Variants in CTNNB1 observed in about 807,000 individuals in gnomAD.
CTNNB1 encodes catenin beta 1.
CTNNB1 carries 6 observed loss-of-function variants against 82.5 expected under a neutral mutation model. The ratio of observed to expected loss-of-function variants is 0.07; its 90% CI spans 0.04 to 0.14. CTNNB1 has a LOEUF of 0.14. Among genes scored for constraint, CTNNB1 ranks in the 10% least tolerant of loss-of-function variants. The probability of loss-of-function intolerance (pLI) is 1.00; values close to 1 mark genes in which losing one functional copy is unlikely to be tolerated. For missense variants in CTNNB1, 529 were observed against 980.4 expected (o/e 0.54, Z 6.15); for synonymous variants, 312 against 329.7 (o/e 0.95, Z 0.58).
rs148654224 is a variant in CTNNB1, at chr3:41,239,195, C to T, written c.2199C>T (p.Pro733=). ...GCCAGGATGCCTTGGGTATGGACCC[C>T]ATGATGGAACATGAGATGGGTGGCC... ...GYGQDALGMD[P]MMEHEMGGHH... The change falls in exon 15 of 15, where the codon CCC becomes CCT. Residue 733 remains proline, a synonymous_variant. Transcript: ENST00000349496. 3 of 1,614,060 alleles carry T rather than the reference C, an allele frequency of 1.9e-6. No homozygotes were observed. The highest frequency in any genetic ancestry group is 2.5e-6 in the Non-Finnish European group (3 of 1,180,030).
intron 1 of CTNNB1, among the ~76,000 whole-genome samples, chr3:41,219,935 C>T (rs1379095804): frequency 1.3e-5 from 2 of 152,050 alleles, no homozygotes; most frequent in Non-Finnish European, 2.9e-5. Flanking sequence ...CGATACAATC[C>T]AGATGATAAT....
chr3:41,234,420 AG>A, intron 10 of CTNNB1, 123 bp downstream of exon 10: 1 of 925,010 alleles, frequency 1.1e-6, no homozygotes, highest in Non-Finnish European at 1.7e-6. Context: ...CTAATGACAA[AG>A]TAAATAAATA....
intron 9 of CTNNB1, 105 bp downstream of exon 9, chr3:41,233,972 A>T: frequency 7.0e-7 from 1 of 1,434,208 alleles, no homozygotes; most frequent in East Asian, 2.3e-5. Flanking sequence ...TAGGAATTGT[A>T]TTCCTTAGTA....
chr3:41,221,085 T>C (rs1257752279), intron 1 of CTNNB1: 1 of 152,216 alleles, frequency 6.6e-6, no homozygotes, highest in Admixed American at 6.5e-5. Context: ...GGAAAATACA[T>C]GAGAAGTTGG....
intron 9 of CTNNB1, 24 bp downstream of exon 9, chr3:41,233,891 C>A (rs890398792): frequency 1.9e-6 from 3 of 1,609,764 alleles, no homozygotes; most frequent in Non-Finnish European, 2.6e-6. Context: ...GTAGAATTTA[C>A]CTTTGTTGCA....
At chr3:41,223,890 C>G in intron 1 of CTNNB1, 131 bp from the exon 2 acceptor site, 2 of 659,552 alleles carry the variant, frequency 3.0e-6, no homozygotes, top group Middle Eastern at 8.4e-4. Flanking sequence ...CTGCGTTTCA[C>G]TAACCTGGTA....
chr3:41,225,410 C>T lies in CTNNB1; in HGVS notation c.572C>T (p.Ser191Phe). The T allele has an allele frequency of 6.2e-7, 1 of 1,613,924 alleles. No homozygotes were observed. Among genetic ancestry groups the T allele is most frequent in the Non-Finnish European group, 8.5e-7 (1 of 1,179,968 alleles). ...GCTTCCAGACACGCTATCATGCGTT[C>T]TCCTCAGATGGTGTCTGCTATTGTA... is the stretch of plus-strand genomic sequence containing the variant. ...KEASRHAIMR[S>F]PQMVSAIVRT... Residue 191 changes from serine (S) to phenylalanine (F), a missense_variant, in exon 5 of 15, where the codon TCT becomes TTT. Ser to Phe is a radical substitution (Grantham distance 155). Transcript: ENST00000349496. This position sits in a 1 kb window ranked among gnomAD's most constrained non-coding sequence, Gnocchi z 5.3.
rs1158793565 is a variant in CTNNB1 at position 41,239,614 on chromosome 3, AT to A, written c.*275del. ...GCAACTTAATACTCAAATGAGTAACATTTGCTGTTTTAAACATTAATAGCAG... is the reference window on the plus strand; with the variant it reads ...GCAACTTAATACTCAAATGAGTAACATTGCTGTTTTAAACATTAATAGCAG... On this transcript the variant is annotated 3_prime_UTR_variant, in exon 15 of 15. Coordinates refer to ENST00000349496, the MANE Select transcript of CTNNB1 (RefSeq NM_001904.4). 20 of 511,844 alleles carry A rather than the reference AT, an allele frequency of 3.9e-5. No individual in the cohort carries two copies. The highest frequency in any genetic ancestry group is 3.8e-4 in the African/African-American group (20 of 52,430). The allele number at this position is 511,844 out of a possible 1,614,324, so 31.7% of individuals were successfully genotyped here.
chr3:41,215,981 A>T (rs1367001839), intron 1 of CTNNB1, among the ~76,000 whole-genome samples: 1 of 152,290 alleles, frequency 6.6e-6, no homozygotes, highest in South Asian at 2.1e-4. Flanking sequence ...TCTTTCATTT[A>T]TCTGCAACAC....
rs1256263564 is a variant in CTNNB1, at chr3:41,199,612, C to G, written c.-107C>G. On this transcript the variant is annotated 5_prime_UTR_variant, in exon 1 of 15. Coordinates refer to ENST00000349496, the MANE Select transcript of CTNNB1 (RefSeq NM_001904.4). Reference sequence around the variant, plus strand: ...GGAGCAGCTTCAGTCCCCGCCGAGCCGCCACCGCAGGTCGAGGACGGTCGG... The same window carrying G: ...GGAGCAGCTTCAGTCCCCGCCGAGCGGCCACCGCAGGTCGAGGACGGTCGG... 6.6e-6 allele frequency: 1 copy of G among 152,394 alleles called. No homozygotes were observed. The highest frequency in any genetic ancestry group is 2.4e-5 in the African/African-American group (1 of 41,430). 9.4% of individuals were successfully genotyped at this position (152,394 alleles called of 1,614,324 possible).
At chr3:41,236,837 CT>C in intron 13 of CTNNB1, 128 bp downstream of exon 13, 1 of 1,257,074 alleles carries the variant, frequency 8.0e-7, no homozygotes, top group Non-Finnish European at 1.2e-6. Context: ...AGTATTTCTT[CT>C]TTATGCTGTC....
At chr3:41,208,881 AT>A (rs1160686747) in intron 1 of CTNNB1, among the ~76,000 whole-genome samples, 2 of 151,956 alleles carry the variant, frequency 1.3e-5, no homozygotes, top group Non-Finnish European at 2.9e-5. Context: ...TACAAAAAAA[AT>A]TTTTTCTCCG....
Position 41,225,929 on chromosome 3 carries a change from GC to G in CTNNB1, c.936+69del. 1 of 1,453,932 alleles carries G rather than the reference GC, an allele frequency of 6.9e-7. No individual in the cohort carries two copies. The allele number at this position is 1,453,932 out of a possible 1,614,324, so 90.1% of individuals were successfully genotyped here. ...CACCTCCAGTGTCATGTCATTCCATGCAGTGTTCCTAACCTTTTTGGCACCA... is the reference window on the plus strand; with the variant it reads ...CACCTCCAGTGTCATGTCATTCCATGAGTGTTCCTAACCTTTTTGGCACCA... On this transcript the variant is annotated intron_variant, in intron 6 of 14. Coordinates refer to ENST00000349496, the MANE Select transcript of CTNNB1 (RefSeq NM_001904.4). The surrounding 1 kb of genome is among the most constrained non-coding windows in gnomAD (Gnocchi z 5.3).
chr3:41,210,749 T>C (rs904905073), intron 1 of CTNNB1, among the ~76,000 whole-genome samples: 2 of 152,044 alleles, frequency 1.3e-5, no homozygotes, highest in Non-Finnish European at 2.9e-5. Flanking sequence ...GTAACAATCA[T>C]TATCATTATC....
chr3:41,221,223 C>A (rs539915296), intron 1 of CTNNB1: 32 of 152,230 alleles, frequency 2.1e-4, no homozygotes, highest in African/African-American at 7.7e-4. Flanking sequence ...CTTATACAAA[C>A]CTAGATGGCA....
In CTNNB1 at chr3:41,239,920, A is replaced by AT. The variant is rs1559480168; in HGVS notation, c.*578_*579insT. 99 of 174,744 alleles carry AT rather than the reference A, an allele frequency of 5.7e-4. No individual in the cohort carries two copies. The East Asian group carries it at 6.7e-3, about 12-fold the overall frequency. The allele number at this position is 174,744 out of a possible 1,614,324, so 10.8% of individuals were successfully genotyped here. The stretch of plus-strand genomic sequence containing the variant: ...TATCAAACCCTAGCCTTGCTTGTTA[A>AT]ATTTTTTTTTTTTTTTTTTTAAGAA... On this transcript the variant is annotated 3_prime_UTR_variant, in exon 15 of 15. Transcript: ENST00000349496.
intron 1 of CTNNB1, among the ~76,000 whole-genome samples, chr3:41,205,063 C>T (rs2077618414): frequency 6.6e-6 from 1 of 152,148 alleles, no homozygotes; most frequent in Non-Finnish European, 1.5e-5. Context: ...TCTTATTACT[C>T]AACCATCTTA....
chr3:41,233,390 T>C lies in CTNNB1; in HGVS notation c.1131T>C (p.Leu377=), dbSNP rs2125637753. 1 of 1,614,224 alleles carries C rather than the reference T, an allele frequency of 6.2e-7. No homozygotes were observed. The highest frequency in any genetic ancestry group is 8.5e-7 in the Non-Finnish European group (1 of 1,180,034). The stretch of plus-strand genomic sequence containing the variant: ...ACCTGACAGATCCAAGTCAACGTCT[T>C]GTTCAGAACTGTCTTTGGACTCTCA... ...GLHLTDPSQR[L]VQNCLWTLRN... Residue 377 remains leucine, a synonymous_variant, in exon 8 of 15, where the codon CTT becomes CTC. Coordinates refer to ENST00000349496, the MANE Select transcript of CTNNB1 (RefSeq NM_001904.4).
intron 1 of CTNNB1, among the ~76,000 whole-genome samples, chr3:41,222,592 T>A (rs2078074920): frequency 6.6e-6 from 1 of 152,212 alleles, no homozygotes; most frequent in South Asian, 2.1e-4. Flanking sequence ...ATTGTAAAAA[T>A]GAAATCATTA....
Sources: allele counts gnomAD v4.1 joint callset (sites outside exome capture counted in the v4.1 genomes callset), GRCh38; gene constraint gnomAD v4.1.1; non-coding constraint Gnocchi (gnomAD v3.1); transcripts MANE v1.5; gene names NCBI Gene and HGNC (gene_info 2026-07-23, HGNC 2026-07-21).